The following N4BP2L2 variants were observed in gnomAD, a reference collection of about 807,000 sequenced individuals.
The protein encoded by N4BP2L2 is NEDD4 binding protein 2 like 2, also known as NEDD4-binding protein 2-like 2.
Under a neutral mutation model 56.2 loss-of-function variants are expected in N4BP2L2, and 50 were observed. The ratio of observed to expected loss-of-function variants is 0.89; its 90% CI spans 0.71 to 1.13. The LOEUF (loss-of-function observed/expected upper bound fraction) is 1.13, where lower values mean the gene tolerates loss of function less well. Among genes scored for constraint, N4BP2L2 ranks in the 50% most tolerant of loss-of-function variants. The probability of loss-of-function intolerance (pLI) is 0.00; values close to 1 mark genes in which losing one functional copy is unlikely to be tolerated. For missense variants in N4BP2L2, 689 were observed against 693.8 expected (o/e 0.99, Z 0.08); for synonymous variants, 203 against 223.6 (o/e 0.91, Z 0.82).
At chr13:32,519,182 G>A (rs1450967858) in intron 5 of N4BP2L2, among the ~76,000 whole-genome samples, 2 of 151,472 alleles carry the variant, frequency 1.3e-5, no homozygotes, top group Admixed American at 6.6e-5. Context: ...TGAGGCCAGC[G>A]GAATGCTTGG....
At chr13:32,478,015 T>C (rs1566094082) in intron 6 of N4BP2L2, 1 of 1,289,418 alleles carries the variant, frequency 7.8e-7, no homozygotes. Flanking sequence ...CATCATCTTG[T>C]ACCAGAACCT....
chr13:32,530,572 CAAT>C (rs1432912881), intron 2 of N4BP2L2, among the ~76,000 whole-genome samples: 3 of 152,076 alleles, frequency 2.0e-5, no homozygotes, highest in Non-Finnish European at 2.9e-5. Context: ...TTTTTCAAAA[CAAT>C]AGCTATCTTT....
In N4BP2L2 at chr13:32,526,818, G is replaced by GTTTTTTTTT. The variant is rs35925361; in HGVS notation, c.1384+581_1384+589dup. The GTTTTTTTTT allele has an allele frequency of 3.0e-3, 72 of 24,224 alleles. 4 individuals are homozygous for GTTTTTTTTT. The highest frequency in any genetic ancestry group is 3.7e-3 in the Non-Finnish European group (46 of 12,582). 1.5% of individuals were successfully genotyped at this position (24,224 alleles called of 1,614,324 possible). A position where few individuals can be genotyped will look rare whatever the true frequency, so the allele number is the denominator to read the frequency against. ...CTGAGGCCAGGCACACTTTTTGTCT[G>GTTTTTTTTT]TTTTTTTTTTTTTTTTTTTTTTTTT... is the stretch of plus-strand genomic sequence containing the variant. On this transcript the variant is annotated intron_variant, in intron 3 of 5. Coordinates refer to ENST00000267068, the Ensembl canonical transcript of N4BP2L2.
chr13:32,511,136 G>A lies in N4BP2L2; in HGVS notation c.*6666C>T, dbSNP rs569073373. 2.0e-5 allele frequency: 3 copies of A among 152,296 alleles called. No homozygotes were observed. In the East Asian group the frequency reaches 5.8e-4, roughly 29 times the overall value. The allele number at this position is 152,296 out of a possible 1,614,324, so 9.4% of individuals were successfully genotyped here. The stretch of plus-strand genomic sequence containing the variant: ...TTTGTTTCCTCTTTCTAAAGCCATT[G>A]TAGAATTGTGAAAATTAATGACTGT... On this transcript the variant is annotated 3_prime_UTR_variant, in exon 6 of 6. Transcript: ENST00000267068.
intron 6 of N4BP2L2, among the ~76,000 whole-genome samples, chr13:32,468,874 T>G (rs940462213): frequency 3.3e-5 from 5 of 152,188 alleles, no homozygotes; most frequent in Non-Finnish European, 5.9e-5. Flanking sequence ...GAGAAAAAGT[T>G]AAGCTGCTAA....
At chr13:32,463,529 T>A (rs2080601295) in intron 6 of N4BP2L2, among the ~76,000 whole-genome samples, 1 of 151,502 alleles carries the variant, frequency 6.6e-6, no homozygotes. Flanking sequence ...CCAGGCATGG[T>A]GGCAGGCGCC....
Position 32,536,031 on chromosome 13 carries a change from GATCAA to G in N4BP2L2, c.992_996del (p.Phe331SerfsTer4). 6.2e-7 allele frequency: 1 copy of G among 1,613,896 alleles called. No homozygotes were observed. On this transcript the variant is annotated frameshift_variant, in exon 2 of 6. Coordinates refer to ENST00000267068, the Ensembl canonical transcript of N4BP2L2. LOFTEE classifies it high-confidence loss of function. ...CTACAGTCAGTATATTCATTGTTCT[GATCAA>G]AAGTCATGCAATTCCAGTTAACATG...
At chr13:32,436,816 G>A (rs76811057) in intron 8 of N4BP2L2, among the ~76,000 whole-genome samples, 1,071 of 127,204 alleles carry the variant, frequency 8.4e-3, no homozygotes, top group African/African-American at 0.022. Flanking sequence ...AAAAAGAAAG[G>A]AAGAAAGAAA....
At chr13:32,445,141 C>A (rs1593430063) in intron 6 of N4BP2L2, among the ~76,000 whole-genome samples, 1 of 152,174 alleles carries the variant, frequency 6.6e-6, no homozygotes, top group African/African-American at 2.4e-5. Context: ...ATCCTAGCTA[C>A]TCTGGAGCCA....
intron 6 of N4BP2L2, among the ~76,000 whole-genome samples, chr13:32,450,840 CCTT>C (rs2138463622): frequency 6.8e-6 from 1 of 147,114 alleles, no homozygotes; most frequent in African/African-American, 2.5e-5. Flanking sequence ...TGTTTCCCTT[CCTT>C]CCCTCCCTCC....
intron 6 of N4BP2L2, among the ~76,000 whole-genome samples, chr13:32,476,101 T>G (rs1806652568): frequency 6.6e-6 from 1 of 152,206 alleles, no homozygotes; most frequent in South Asian, 2.1e-4. Flanking sequence ...TTCAAAATAT[T>G]TTCTAAATGC....
intron 2 of N4BP2L2, among the ~76,000 whole-genome samples, chr13:32,528,575 T>C (rs1284435575): frequency 3.3e-5 from 5 of 152,194 alleles, no homozygotes; most frequent in African/African-American, 1.2e-4. Context: ...GGGAGTGTGC[T>C]ATGATAGGGA....
At chr13:32,442,773 T>C in exon 7 of N4BP2L2, 4 of 1,613,692 alleles carry the variant, frequency 2.5e-6, no homozygotes, top group Non-Finnish European at 3.4e-6. Context: ...TGTATAAAGA[T>C]GCAGAGCACC....
intron 6 of N4BP2L2, among the ~76,000 whole-genome samples, chr13:32,475,573 A>G (rs548354685): frequency 6.6e-6 from 1 of 152,252 alleles, no homozygotes; most frequent in South Asian, 2.1e-4. Context: ...TTATTATGCA[A>G]ATGGACATTC....
At position 32,443,617 on chromosome 13, in the gene N4BP2L2, A is replaced by C. The variant is rs1443392943; in HGVS notation, c.875T>G (p.Leu292Ter). ...TTCCGCAGAAAGGTCCTGGGTGTCT[A>C]ATGCTATGGTATGCCTATTTCTAAT... The change falls in exon 7 of 10, where the codon TTA (leucine) becomes TGA (stop). Residue 292 changes from leucine (L) to a stop codon, truncating the protein, a stop_gained. Transcript: ENST00000357505. LOFTEE classifies it high-confidence loss of function. 1 of 1,611,722 alleles carries C rather than the reference A, an allele frequency of 6.2e-7. No homozygotes were observed. The highest frequency in any genetic ancestry group is 1.3e-5 in the African/African-American group (1 of 74,788).
intron 2 of N4BP2L2, among the ~76,000 whole-genome samples, chr13:32,532,445 G>A (rs563274358): frequency 9.9e-5 from 15 of 151,756 alleles, no homozygotes; most frequent in African/African-American, 3.6e-4. Flanking sequence ...TTAAGATAGG[G>A]GCTTTAAATA....
chr13:32,536,085 T>C (rs2056480929), exon 2 of N4BP2L2: 1 of 1,613,974 alleles, frequency 6.2e-7, no homozygotes, highest in African/African-American at 1.3e-5. Context: ...TAATATCCAT[T>C]TTGTATCTGA....
At chr13:32,498,129 C>A (rs2089179229) in intron 6 of N4BP2L2, among the ~76,000 whole-genome samples, 1 of 152,002 alleles carries the variant, frequency 6.6e-6, no homozygotes, top group Admixed American at 6.6e-5. Context: ...AGAATATAGG[C>A]ATATGCCACC....
intron 6 of N4BP2L2, among the ~76,000 whole-genome samples, chr13:32,483,719 GTT>G (rs1477711281): frequency 6.6e-6 from 1 of 151,882 alleles, no homozygotes; most frequent in Admixed American, 6.6e-5. Context: ...TTTTTGTTTT[GTT>G]TTTTTGCTAA....
Sources: allele counts gnomAD v4.1 joint callset (sites outside exome capture counted in the v4.1 genomes callset), GRCh38; gene constraint gnomAD v4.1.1; transcripts MANE v1.5; gene names NCBI Gene and HGNC (gene_info 2026-07-23, HGNC 2026-07-21).